SPSB4: variants seen among roughly 807,000 people sequenced by gnomAD.
The protein encoded by SPSB4 is SPRY domain-containing SOCS box protein 4.
Under a neutral mutation model 20.9 loss-of-function variants are expected in SPSB4, and 21 were observed. The observed-to-expected ratio is 1.01, with a 90% CI of 0.71 to 1.45. SPSB4 has a LOEUF of 1.45. Among genes scored for constraint, SPSB4 ranks in the 40% most tolerant of loss-of-function variants. SPSB4 has a pLI of 0.00. For missense variants in SPSB4, 399 were observed against 399.2 expected (o/e 1.00, Z 0.00); for synonymous variants, 207 against 183.8 (o/e 1.13, Z -1.02).
chr3:141,105,372 G>C (rs1938671812), intron 2 of SPSB4, among the ~76,000 whole-genome samples: 1 of 152,114 alleles, frequency 6.6e-6, no homozygotes, highest in Admixed American at 6.6e-5. Flanking sequence ...ATTTCTTACT[G>C]CCCATGGCCT....
intron 2 of SPSB4, among the ~76,000 whole-genome samples, chr3:141,094,044 G>A (rs1007357967): frequency 2.6e-5 from 4 of 152,226 alleles, no homozygotes; most frequent in African/African-American, 9.6e-5. Flanking sequence ...AGCTGGCCTG[G>A]CCAGGTTCCC....
At chr3:141,073,370 G>A (rs143014141) in intron 2 of SPSB4, among the ~76,000 whole-genome samples, 2 of 152,298 alleles carry the variant, frequency 1.3e-5, no homozygotes, top group Admixed American at 6.5e-5. Context: ...GTAGAATCAC[G>A]TTAATTTTTT....
intron 2 of SPSB4, among the ~76,000 whole-genome samples, chr3:141,100,924 G>A (rs1938603859): frequency 6.6e-6 from 1 of 152,194 alleles, no homozygotes; most frequent in South Asian, 2.1e-4. Flanking sequence ...AAGGGTCCCT[G>A]TGAAGTGGTT....
chr3:141,086,894 C>T (rs1938353777), intron 2 of SPSB4, among the ~76,000 whole-genome samples: 2 of 152,270 alleles, frequency 1.3e-5, no homozygotes, highest in South Asian at 2.1e-4. Flanking sequence ...CCCAAGGTCA[C>T]GTAGCTGGTA....
chr3:141,095,720 G>T lies in SPSB4; in HGVS notation c.694+28922G>T, dbSNP rs542917791. 1.1e-4 allele frequency among the ~76,000 whole-genome samples: 17 copies of T among 152,228 alleles called. No individual in the cohort carries two copies. In the South Asian group the frequency reaches 3.5e-3, roughly 32 times the overall value. On this transcript the variant is annotated intron_variant, in intron 2 of 2. Transcript: ENST00000310546. ...CCAGTGCTTTCTGCTTATGAAGCTG[G>T]GCCTGAGGCTAACCAGGGTGGAGCT...
intron 1 of SPSB4, among the ~76,000 whole-genome samples, chr3:141,055,388 G>A (rs1937619534): frequency 6.6e-6 from 1 of 152,140 alleles, no homozygotes; most frequent in South Asian, 2.1e-4. Context: ...TGGCATGACT[G>A]GTCTGAGGTG....
At chr3:141,075,629 C>T (rs1938090716) in intron 2 of SPSB4, among the ~76,000 whole-genome samples, 2 of 152,110 alleles carry the variant, frequency 1.3e-5, no homozygotes, top group African/African-American at 4.8e-5. Flanking sequence ...GCATTTCTAA[C>T]AAGCTCCTGG....
intron 2 of SPSB4, among the ~76,000 whole-genome samples, chr3:141,107,676 C>T (rs1938720489): frequency 6.6e-6 from 1 of 152,176 alleles, no homozygotes; most frequent in African/African-American, 2.4e-5. Context: ...TTTATTTGTG[C>T]CCAGGCACAG....
intron 2 of SPSB4, among the ~76,000 whole-genome samples, chr3:141,122,821 T>C (rs1938990050): frequency 6.6e-6 from 1 of 152,120 alleles, no homozygotes; most frequent in East Asian, 1.9e-4. Context: ...TGGGCAGGAG[T>C]GTACCGTTCC....
intron 2 of SPSB4, among the ~76,000 whole-genome samples, chr3:141,098,639 C>G (rs1429224432): frequency 6.6e-6 from 1 of 152,214 alleles, no homozygotes; most frequent in Non-Finnish European, 1.5e-5. Flanking sequence ...ATCTGCCTCA[C>G]TGAATTCTAA....
At chr3:141,137,294 A>G (rs979655742) in intron 2 of SPSB4, among the ~76,000 whole-genome samples, 2 of 152,176 alleles carry the variant, frequency 1.3e-5, no homozygotes, top group Non-Finnish European at 2.9e-5. Flanking sequence ...AAACAGGGAC[A>G]ATTTGACTTC....
chr3:141,075,085 A>G (rs1442421488), intron 2 of SPSB4, among the ~76,000 whole-genome samples: 3 of 135,600 alleles, frequency 2.2e-5, no homozygotes, highest in Admixed American at 7.2e-5. Flanking sequence ...CCCCTTGAAA[A>G]TGTTCCCCAT....
At chr3:141,109,437 G>C (rs1474254330) in intron 2 of SPSB4, among the ~76,000 whole-genome samples, 1 of 152,068 alleles carries the variant, frequency 6.6e-6, no homozygotes, top group Non-Finnish European at 1.5e-5. Context: ...TTCAGGGACT[G>C]AGCCAGGCCT....
chr3:141,080,887 G>A (rs76944909), intron 2 of SPSB4, among the ~76,000 whole-genome samples: 3,328 of 152,298 alleles, frequency 0.022, 213 homozygotes, highest in Admixed American at 0.13. Context: ...GGCAGGAGGC[G>A]GACAGGTCCT....
In SPSB4 at chr3:141,072,121, C is replaced by T. The variant is rs551923428; in HGVS notation, c.694+5323C>T. Among the ~76,000 whole-genome samples, 6 of 152,358 alleles carry T rather than the reference C, an allele frequency of 3.9e-5. No homozygotes were observed. In the South Asian group the frequency reaches 6.2e-4, roughly 16 times the overall value. On this transcript the variant is annotated intron_variant, in intron 2 of 2. Transcript: ENST00000310546. ...TTATCAATCTGTCCTGACCCCAGCTCACCTCCAGGCCTCAGCCGAGGACTC... is the reference window on the plus strand; with the variant it reads ...TTATCAATCTGTCCTGACCCCAGCTTACCTCCAGGCCTCAGCCGAGGACTC...
At chr3:141,106,716 G>A (rs1263335330) in intron 2 of SPSB4, among the ~76,000 whole-genome samples, 2 of 152,144 alleles carry the variant, frequency 1.3e-5, no homozygotes, top group Non-Finnish European at 2.9e-5. Flanking sequence ...CCATTGGCAG[G>A]GTCTGACGTC....
At chr3:141,062,017 G>C (rs149056364) in intron 1 of SPSB4, among the ~76,000 whole-genome samples, 14 of 152,308 alleles carry the variant, frequency 9.2e-5, no homozygotes, top group African/African-American at 3.4e-4. Context: ...TTACAGGTGT[G>C]AGCCACCAAG....
intron 2 of SPSB4, chr3:141,132,103 A>G: frequency 3.3e-6 from 1 of 302,522 alleles, no homozygotes; most frequent in Non-Finnish European, 6.5e-6. Flanking sequence ...TGCACTACTC[A>G]ATGTGTAGTC....
intron 2 of SPSB4, among the ~76,000 whole-genome samples, chr3:141,116,165 G>T: frequency 6.6e-6 from 1 of 152,222 alleles, no homozygotes; most frequent in Non-Finnish European, 1.5e-5. Context: ...CTCAGTGGTT[G>T]TGAGGAGCAC....
Sources: allele counts gnomAD v4.1 joint callset (sites outside exome capture counted in the v4.1 genomes callset), GRCh38; gene constraint gnomAD v4.1.1; transcripts MANE v1.5; gene names NCBI Gene and HGNC (gene_info 2026-07-23, HGNC 2026-07-21).